DENND1A: variants seen among roughly 807,000 people sequenced by gnomAD.
DENND1A encodes DENN domain containing 1A.
A neutral mutation model predicts 113.7 loss-of-function variants in DENND1A; 51 were observed. The observed-to-expected ratio is 0.45, with a 90% CI of 0.36 to 0.57. DENND1A has a LOEUF of 0.57. Among genes scored for constraint, DENND1A ranks in the 20% least tolerant of loss-of-function variants. DENND1A has a pLI of 0.00. For synonymous variants in DENND1A, 565 were observed against 570.8 expected, an observed-to-expected ratio of 0.99 and a Z score of 0.14; for missense variants, 1,258 against 1,395.9, an observed-to-expected ratio of 0.90 and a Z score of 1.57.
chr9:123,921,556 AT>A (rs1243124141), intron 1 of DENND1A, among the ~76,000 whole-genome samples: 1 of 152,196 alleles, frequency 6.6e-6, no homozygotes, highest in African/African-American at 2.4e-5. Flanking sequence ...GCTAAAGTGA[AT>A]TCAAAAGGTG....
intron 13 of DENND1A, among the ~76,000 whole-genome samples, chr9:123,472,944 TG>T (rs2049566261): frequency 6.6e-6 from 1 of 152,164 alleles, no homozygotes; most frequent in African/African-American, 2.4e-5. Context: ...CAAGCTGCCC[TG>T]GGATGCTTCC....
chr9:123,688,927 T>C (rs2064996285), intron 5 of DENND1A, among the ~76,000 whole-genome samples: 1 of 152,200 alleles, frequency 6.6e-6, no homozygotes, highest in Admixed American at 6.5e-5. Flanking sequence ...TAAGGCTGTA[T>C]TTATAATTTT....
In DENND1A at chr9:123,619,103, C is replaced by A. The variant is rs549244286; in HGVS notation, c.720-9622G>T. ...CTGGGATTACAGGCACACGCCACCA[C>A]GCCCAGCTAATTTTTGCATTTTTAG... On this transcript the variant is annotated intron_variant, in intron 10 of 23. Coordinates refer to ENST00000394215, the MANE Select transcript of DENND1A (RefSeq NM_001352964.2). Among the ~76,000 whole-genome samples the A allele has an allele frequency of 2.6e-5, 4 of 152,226 alleles. No individual in the cohort carries two copies. In the South Asian group the frequency reaches 6.2e-4, roughly 24 times the overall value.
At chr9:123,586,313 G>A (rs750501127) in intron 11 of DENND1A, among the ~76,000 whole-genome samples, 28 of 152,082 alleles carry the variant, frequency 1.8e-4, no homozygotes, top group Middle Eastern at 3.2e-3. Context: ...GCTCCCATTG[G>A]GCCCCAGTGG....
At chr9:123,466,406 T>G (rs1214082465) in intron 13 of DENND1A, among the ~76,000 whole-genome samples, 8 of 151,972 alleles carry the variant, frequency 5.3e-5, no homozygotes, top group Non-Finnish European at 1.2e-4. Context: ...TTCAAGTGAT[T>G]ATCCTGCCTC....
chr9:123,814,521 T>G (rs978850332), intron 2 of DENND1A, among the ~76,000 whole-genome samples: 1 of 152,106 alleles, frequency 6.6e-6, no homozygotes, highest in Non-Finnish European at 1.5e-5. Flanking sequence ...GTTCAAAAAA[T>G]TCATTAAGCA....
At chr9:123,901,780 G>A (rs1195199933) in intron 1 of DENND1A, among the ~76,000 whole-genome samples, 1 of 152,058 alleles carries the variant, frequency 6.6e-6, no homozygotes, top group Non-Finnish European at 1.5e-5. Context: ...TGAGGCGGGT[G>A]GATCACGAGG....
intron 2 of DENND1A, among the ~76,000 whole-genome samples, chr9:123,854,785 T>G (rs1202407281): frequency 1.3e-5 from 2 of 151,122 alleles, no homozygotes; most frequent in African/African-American, 4.9e-5. Flanking sequence ...CCAGTTCACA[T>G]GAAGTTTCTC....
intron 13 of DENND1A, among the ~76,000 whole-genome samples, chr9:123,503,755 G>A (rs1564613801): frequency 6.6e-6 from 1 of 152,182 alleles, no homozygotes; most frequent in East Asian, 1.9e-4. Flanking sequence ...ATTGGATTCT[G>A]TGTTTCTAAT....
intron 19 of DENND1A, among the ~76,000 whole-genome samples, chr9:123,427,439 G>A (rs993404480): frequency 1.3e-5 from 2 of 152,114 alleles, no homozygotes; most frequent in African/African-American, 2.4e-5. Context: ...CGCAGGCAAC[G>A]GCAGACAGCT....
intron 3 of DENND1A, among the ~76,000 whole-genome samples, chr9:123,778,519 T>C (rs1332788467): frequency 2.0e-5 from 3 of 152,350 alleles, no homozygotes; most frequent in East Asian, 1.9e-4. Flanking sequence ...CTATGAAATT[T>C]TGGATTCCTT....
At chr9:123,784,575 T>C (rs578262316) in intron 3 of DENND1A, among the ~76,000 whole-genome samples, 40 of 152,302 alleles carry the variant, frequency 2.6e-4, no homozygotes, top group African/African-American at 8.2e-4. Context: ...GTTTTAATCA[T>C]AGCATAACTT....
In DENND1A at chr9:123,422,508, G is replaced by GT. The variant is rs57945902; in HGVS notation, c.1489-10680dup. On this transcript the variant is annotated intron_variant, in intron 19 of 23. Coordinates refer to ENST00000394215, the MANE Select transcript of DENND1A (RefSeq NM_001352964.2). The surrounding 1 kb of genome is among the most constrained non-coding windows in gnomAD (Gnocchi z 4.8). ...GATAGTCAGGTTCACCAGACAGAAG[G>GT]TTTTTTTTTTTTTTCCTTCCCTCAG... Among the ~76,000 whole-genome samples, 306 of 146,040 alleles carry GT rather than the reference G, an allele frequency of 2.1e-3. No individual in the cohort carries two copies. The highest frequency in any genetic ancestry group is 3.5e-3 in the Middle Eastern group (1 of 284).
intron 12 of DENND1A, among the ~76,000 whole-genome samples, chr9:123,565,981 G>C (rs1258718377): frequency 6.6e-6 from 1 of 152,116 alleles, no homozygotes; most frequent in Non-Finnish European, 1.5e-5. Flanking sequence ...ATCCAGTATT[G>C]TATTAAAATT....
At chr9:123,511,598 G>A (rs2134569191) in intron 13 of DENND1A, among the ~76,000 whole-genome samples, 1 of 152,322 alleles carries the variant, frequency 6.6e-6, no homozygotes, top group South Asian at 2.1e-4. Flanking sequence ...CTGGCTTCAG[G>A]GCTGGACACT....
chr9:123,462,657 C>T (rs577883326), intron 13 of DENND1A, among the ~76,000 whole-genome samples: 4 of 152,196 alleles, frequency 2.6e-5, no homozygotes, highest in Admixed American at 1.3e-4. Flanking sequence ...ATTAGCTGGG[C>T]GTGTTGGCGC....
intron 13 of DENND1A, among the ~76,000 whole-genome samples, chr9:123,552,941 A>C (rs1252333898): frequency 6.6e-6 from 1 of 152,258 alleles, no homozygotes; most frequent in African/African-American, 2.4e-5. Flanking sequence ...TGGTATCATG[A>C]AACATTACTG....
intron 1 of DENND1A, among the ~76,000 whole-genome samples, chr9:123,918,477 G>T: frequency 7.3e-6 from 1 of 136,620 alleles, no homozygotes; most frequent in Non-Finnish European, 1.5e-5. Context: ...AATAGAGGGA[G>T]ACTCCGTCTC....
intron 11 of DENND1A, among the ~76,000 whole-genome samples, chr9:123,598,456 CAA>C (rs780473231): frequency 8.4e-5 from 5 of 59,384 alleles, no homozygotes; most frequent in Admixed American, 2.1e-4. Context: ...TCACAAATCT[CAA>C]AAAAAAAAAA....
Sources: allele counts gnomAD v4.1 joint callset (sites outside exome capture counted in the v4.1 genomes callset), GRCh38; gene constraint gnomAD v4.1.1; non-coding constraint Gnocchi (gnomAD v3.1); transcripts MANE v1.5; gene names NCBI Gene and HGNC (gene_info 2026-07-23, HGNC 2026-07-21).